The following MACROD2 variants were observed in gnomAD, a reference collection of about 807,000 sequenced individuals.
MACROD2 encodes the protein ADP-ribose glycohydrolase MACROD2.
Under a neutral mutation model 70.4 loss-of-function variants are expected in MACROD2, and 36 were observed. That is an observed-to-expected ratio of 0.51 (90% CI 0.39 to 0.68). The LOEUF is 0.68. MACROD2 is among the 30% of genes least tolerant of loss of function. The probability of loss-of-function intolerance (pLI) is 0.00; values close to 1 mark genes in which losing one functional copy is unlikely to be tolerated. For missense variants in MACROD2, 496 were observed against 538.4 expected (o/e 0.92, Z 0.78); for synonymous variants, 172 against 178.8 (o/e 0.96, Z 0.30).
intron 2 of MACROD2, among the ~76,000 whole-genome samples, chr20:14,078,157 C>T (rs1339459047): frequency 6.6e-6 from 1 of 152,166 alleles, no homozygotes; most frequent in Admixed American, 6.5e-5. Flanking sequence ...CTGCCTCGGC[C>T]TCCCAAAGTG....
intron 10 of MACROD2, among the ~76,000 whole-genome samples, chr20:15,932,466 T>C (rs1386095005): frequency 6.6e-6 from 1 of 152,308 alleles, no homozygotes; most frequent in Non-Finnish European, 1.5e-5. Context: ...TGAATATAGG[T>C]TGGTAACTTC....
intron 7 of MACROD2, among the ~76,000 whole-genome samples, chr20:15,461,006 A>ATATATATTTTTTTTT: frequency 6.3e-4 from 42 of 67,010 alleles, no homozygotes; most frequent in South Asian, 1.4e-3. Context: ...ATATATATAT[A>ATATATATTTTTTTTT]TTTTTTTTTA....
chr20:14,209,736 G>A (rs2081555572), intron 3 of MACROD2, among the ~76,000 whole-genome samples: 1 of 152,156 alleles, frequency 6.6e-6, no homozygotes, highest in Non-Finnish European at 1.5e-5. Context: ...AGAGGAATGA[G>A]CATGGGGGGT....
At chr20:14,809,734 A>G (rs143002514) in intron 5 of MACROD2, among the ~76,000 whole-genome samples, 5,105 of 152,206 alleles carry the variant, frequency 0.034, 155 homozygotes, top group Non-Finnish European at 0.048. Context: ...AGACACAATG[A>G]AAAACAATAA....
At chr20:15,795,636 G>A (rs991781575) in intron 8 of MACROD2, among the ~76,000 whole-genome samples, 6 of 152,152 alleles carry the variant, frequency 3.9e-5, no homozygotes, top group African/African-American at 9.7e-5. Context: ...TGTTTAATCT[G>A]TAGTCCCGAT....
chr20:15,737,746 A>G (rs2051044128), intron 8 of MACROD2, among the ~76,000 whole-genome samples: 2 of 152,242 alleles, frequency 1.3e-5, no homozygotes, highest in African/African-American at 4.8e-5. Context: ...TCAACACCTT[A>G]GATGAGAAGC....
At chr20:14,311,131 T>A (rs2122517837) in intron 3 of MACROD2, among the ~76,000 whole-genome samples, 1 of 152,334 alleles carries the variant, frequency 6.6e-6, no homozygotes, top group South Asian at 2.1e-4. Context: ...AGTAATGTTC[T>A]AGGCCTTCAC....
Position 14,843,265 on chromosome 20 carries a change from C to T in MACROD2, c.418+158306C>T, listed in dbSNP as rs143715416. ...AAGCCATTATCTAACTGAATGGCCTCTGAAGGAAATATTAGAGCTTTTCTA... is the reference window on the plus strand; with the variant it reads ...AAGCCATTATCTAACTGAATGGCCTTTGAAGGAAATATTAGAGCTTTTCTA... On this transcript the variant is annotated intron_variant, in intron 5 of 17. Coordinates refer to ENST00000684519, the MANE Select transcript of MACROD2 (RefSeq NM_001351661.2). Among the ~76,000 whole-genome samples the T allele has an allele frequency of 3.7e-3, 550 of 148,570 alleles. 2 individuals carry two copies. The highest frequency in any genetic ancestry group is 0.013 in the African/African-American group (526 of 40,426).
At chr20:15,353,208 A>T (rs1431558403) in intron 6 of MACROD2, among the ~76,000 whole-genome samples, 2 of 152,056 alleles carry the variant, frequency 1.3e-5, no homozygotes, top group Admixed American at 1.3e-4. Context: ...ACATATCTAC[A>T]ACTATCTGAT....
chr20:15,608,159 A>G (rs1364195898), intron 8 of MACROD2, among the ~76,000 whole-genome samples: 1 of 151,994 alleles, frequency 6.6e-6, no homozygotes, highest in Non-Finnish European at 1.5e-5. Context: ...TGTCTTGGTT[A>G]TATGTTGCAT....
intron 3 of MACROD2, chr20:14,086,301 T>A: frequency 3.6e-6 from 1 of 279,164 alleles, no homozygotes; most frequent in South Asian, 3.4e-5. Flanking sequence ...TTGGGAAAAA[T>A]TTTACAGATG....
chr20:14,437,695 G>A (rs542914296), intron 3 of MACROD2, among the ~76,000 whole-genome samples: 3 of 152,230 alleles, frequency 2.0e-5, no homozygotes, highest in African/African-American at 7.2e-5. Flanking sequence ...GAAAATTGAA[G>A]TCATAGAATT....
At chr20:15,846,585 CT>C (rs1424777113) in intron 8 of MACROD2, among the ~76,000 whole-genome samples, 5 of 152,090 alleles carry the variant, frequency 3.3e-5, no homozygotes, top group African/African-American at 1.2e-4. Flanking sequence ...AAGGAATTTC[CT>C]GGTTGGACAC....
chr20:14,968,402 C>T (rs567998250), intron 5 of MACROD2, among the ~76,000 whole-genome samples: 2 of 152,132 alleles, frequency 1.3e-5, no homozygotes, highest in East Asian at 1.9e-4. Flanking sequence ...TCCTCAATAC[C>T]GTTTGTTGGT....
chr20:15,057,196 T>C (rs1244924100), intron 5 of MACROD2, among the ~76,000 whole-genome samples: 3 of 152,208 alleles, frequency 2.0e-5, no homozygotes, highest in African/African-American at 7.2e-5. Flanking sequence ...CATCCTAATT[T>C]TATTAAAGTA....
At chr20:15,260,090 T>C (rs1055810946) in intron 6 of MACROD2, among the ~76,000 whole-genome samples, 4 of 151,842 alleles carry the variant, frequency 2.6e-5, no homozygotes, top group Admixed American at 6.6e-5. Flanking sequence ...ATAAAGGTAA[T>C]TGGGATATCC....
intron 8 of MACROD2, among the ~76,000 whole-genome samples, chr20:15,761,572 A>G (rs2051436618): frequency 6.6e-6 from 1 of 152,170 alleles, no homozygotes; most frequent in Non-Finnish European, 1.5e-5. Flanking sequence ...TGTTACACGT[A>G]TATCCACATT....
intron 2 of MACROD2, among the ~76,000 whole-genome samples, chr20:14,034,324 A>C (rs1451291428): frequency 6.6e-6 from 1 of 152,192 alleles, no homozygotes; most frequent in African/African-American, 2.4e-5. Flanking sequence ...GTATGGAAGT[A>C]CTGTGGTTTT....
intron 15 of MACROD2, among the ~76,000 whole-genome samples, chr20:15,990,183 G>T (rs927955825): frequency 6.6e-6 from 1 of 152,074 alleles, no homozygotes; most frequent in African/African-American, 2.4e-5. Flanking sequence ...AATGAGCCCA[G>T]TTTTATGATT....
Sources: gnomAD v4.1 joint callset for allele counts (sites outside exome capture counted in the v4.1 genomes callset) on GRCh38, gnomAD v4.1.1 for gene constraint, MANE v1.5 for transcripts, NCBI Gene and HGNC (gene_info 2026-07-23, HGNC 2026-07-21) for gene names.